The following TRAPPC8 variants were observed in gnomAD, a reference collection of about 807,000 sequenced individuals.
The protein encoded by TRAPPC8 is trafficking protein particle complex subunit 8.
TRAPPC8 carries 54 observed loss-of-function variants against 174.3 expected under a neutral mutation model. The ratio of observed to expected loss-of-function variants is 0.31; its 90% CI spans 0.25 to 0.39. The LOEUF (loss-of-function observed/expected upper bound fraction) is 0.39, where lower values mean the gene tolerates loss of function less well. TRAPPC8 is among the 10% of genes least tolerant of loss of function. The probability of loss-of-function intolerance (pLI) is 1.00; values close to 1 mark genes in which losing one functional copy is unlikely to be tolerated. For missense variants in TRAPPC8, 1,531 were observed against 1,699.1 expected (o/e 0.90, Z 1.74); for synonymous variants, 630 against 579.9 (o/e 1.09, Z -1.24).
chr18:31,924,664 G>C (rs1461123569), intron 2 of TRAPPC8, among the ~76,000 whole-genome samples: 1 of 147,956 alleles, frequency 6.8e-6, no homozygotes, highest in Non-Finnish European at 1.5e-5. Context: ...CTTGAACCCG[G>C]GACGTGGAGG....
At chr18:31,875,030 G>C (rs1008636104) in intron 12 of TRAPPC8, among the ~76,000 whole-genome samples, 6 of 152,110 alleles carry the variant, frequency 3.9e-5, no homozygotes, top group Admixed American at 2.0e-4. Context: ...TCAGAGGAAA[G>C]AGCTTACTTC....
chr18:31,929,544 A>T (rs970804175), intron 2 of TRAPPC8, among the ~76,000 whole-genome samples: 3 of 152,060 alleles, frequency 2.0e-5, no homozygotes, highest in Non-Finnish European at 2.9e-5. Flanking sequence ...AAAACATATT[A>T]GCCTGGCATA....
intron 26 of TRAPPC8, among the ~76,000 whole-genome samples, chr18:31,844,091 C>T (rs767217538): frequency 2.0e-4 from 30 of 152,128 alleles, no homozygotes; most frequent in Non-Finnish European, 3.7e-4. Context: ...TCTGCCCCAG[C>T]CCTAAAATCA....
chr18:31,889,067 T>C (rs2035845611), intron 12 of TRAPPC8, among the ~76,000 whole-genome samples: 1 of 152,184 alleles, frequency 6.6e-6, no homozygotes, highest in Admixed American at 6.5e-5. Flanking sequence ...GCTTATCTAG[T>C]AGATCTTAAT....
intron 25 of TRAPPC8, 35 bp from the exon 26 acceptor site, chr18:31,846,852 T>C: frequency 6.6e-7 from 1 of 1,517,624 alleles, no homozygotes; most frequent in Non-Finnish European, 9.1e-7. Context: ...GTTACCGTGC[T>C]TGACAGTAAC....
At chr18:31,891,564 A>G (rs2145362735) in intron 11 of TRAPPC8, among the ~76,000 whole-genome samples, 1 of 152,294 alleles carries the variant, frequency 6.6e-6, no homozygotes. Flanking sequence ...CACTGCCCTT[A>G]AGACAAATCT....
chr18:31,832,374 T>C (rs149269610), intron 27 of TRAPPC8: 1 of 218,170 alleles, frequency 4.6e-6, no homozygotes, highest in Non-Finnish European at 8.9e-6. Flanking sequence ...AATGACAATA[T>C]TAAATATCAG....
chr18:31,938,128 ATTG>A (rs1214808682), intron 1 of TRAPPC8, among the ~76,000 whole-genome samples: 2 of 152,154 alleles, frequency 1.3e-5, no homozygotes, highest in African/African-American at 4.8e-5. Flanking sequence ...ATATTGCAAC[ATTG>A]TTTAGAACTA....
Position 31,830,156 on chromosome 18 carries a change from C to A in TRAPPC8, c.*599G>T, listed in dbSNP as rs1032376904. 1.3e-5 allele frequency: 2 copies of A among 152,522 alleles called. No individual in the cohort carries two copies. Among genetic ancestry groups the A allele is most frequent in the Non-Finnish European group, 2.9e-5 (2 of 68,014 alleles). The allele number at this position is 152,522 out of a possible 1,614,324, so 9.4% of individuals were successfully genotyped here. A position where few individuals can be genotyped will look rare whatever the true frequency, so the allele number is the denominator to read the frequency against. The stretch of plus-strand genomic sequence containing the variant: ...CTGAGATGAATGAGGGGAAAAAAGT[C>A]AAAACTCCTTTCAAAACTATATTCA... On this transcript the variant is annotated 3_prime_UTR_variant, in exon 29 of 29. Transcript: ENST00000283351.
At chr18:31,915,750 A>C (rs1454293034) in intron 4 of TRAPPC8, among the ~76,000 whole-genome samples, 2 of 151,890 alleles carry the variant, frequency 1.3e-5, no homozygotes, top group Admixed American at 1.3e-4. Flanking sequence ...AGCCAGGTGC[A>C]GTGGCGGGCG....
chr18:31,905,200 T>C (rs2036606789), intron 9 of TRAPPC8, among the ~76,000 whole-genome samples: 1 of 152,288 alleles, frequency 6.6e-6, no homozygotes. Context: ...AGTTAACATG[T>C]GAATGGTAAG....
chr18:31,916,490 T>C (rs1481244985), intron 3 of TRAPPC8, 44 bp from the exon 4 acceptor site: 11 of 1,528,402 alleles, frequency 7.2e-6, no homozygotes, highest in Non-Finnish European at 9.7e-6. Flanking sequence ...TATTACTCAA[T>C]GATAAATATT....
intron 27 of TRAPPC8, among the ~76,000 whole-genome samples, chr18:31,834,012 A>C (rs1252646444): frequency 6.6e-6 from 1 of 150,842 alleles, no homozygotes; most frequent in African/African-American, 2.4e-5. Flanking sequence ...AAAAAAAAAA[A>C]ACAAAAAACA....
chr18:31,901,751 T>G (rs1470693695), intron 9 of TRAPPC8, among the ~76,000 whole-genome samples: 1 of 152,210 alleles, frequency 6.6e-6, no homozygotes, highest in Non-Finnish European at 1.5e-5. Context: ...CACTTTTGCC[T>G]AAACTCAGAT....
intron 14 of TRAPPC8, 34 bp from the exon 15 acceptor site, chr18:31,871,154 G>T: frequency 7.7e-7 from 1 of 1,300,942 alleles, no homozygotes; most frequent in South Asian, 1.6e-5. Context: ...CGTTTATGAA[G>T]ACTTGCCCTC....
Position 31,908,418 on chromosome 18 carries a change from G to C in TRAPPC8, c.1123C>G (p.Leu375Val). The change falls in exon 8 of 29, where the codon CTA (leucine) becomes GTA (valine). Residue 375 changes from leucine to valine, a missense_variant and splice_region_variant. Coordinates refer to ENST00000283351, the MANE Select transcript of TRAPPC8 (RefSeq NM_014939.5). ...EKTIRQLNDQLISRKGLSRSL... is the reference protein window; with the variant it reads ...EKTIRQLNDQVISRKGLSRSL... ...CGACTCAAACCTTTTCTTGATATTA[G>C]CTTTAAAAAAGAGATTAAATATGTT... The C allele has an allele frequency of 6.5e-7, 1 of 1,548,964 alleles. No individual in the cohort carries two copies. Among genetic ancestry groups the C allele is most frequent in the Non-Finnish European group, 8.7e-7 (1 of 1,145,294 alleles).
intron 2 of TRAPPC8, among the ~76,000 whole-genome samples, chr18:31,925,457 C>A (rs971615411): frequency 4.6e-5 from 7 of 151,794 alleles, no homozygotes; most frequent in African/African-American, 1.5e-4. Flanking sequence ...GATATTCACA[C>A]CCAGAAAAAT....
chr18:31,887,106 T>C (rs2035752218), intron 12 of TRAPPC8, among the ~76,000 whole-genome samples: 1 of 152,166 alleles, frequency 6.6e-6, no homozygotes, highest in Admixed American at 6.5e-5. Flanking sequence ...TAAATTCAAA[T>C]GTCATGAAAA....
intron 5 of TRAPPC8, among the ~76,000 whole-genome samples, chr18:31,911,027 A>T (rs1049108551): frequency 1.3e-5 from 2 of 152,224 alleles, no homozygotes; most frequent in Admixed American, 6.5e-5. Context: ...AAGTCAGTAA[A>T]ATACCATGAT....
Sources: gnomAD v4.1 joint callset for allele counts (sites outside exome capture counted in the v4.1 genomes callset) on GRCh38, gnomAD v4.1.1 for gene constraint, MANE v1.5 for transcripts, NCBI Gene and HGNC (gene_info 2026-07-23, HGNC 2026-07-21) for gene names.